The following SLCO1A2 variants were observed in gnomAD, a reference collection of about 807,000 sequenced individuals.
SLCO1A2 encodes solute carrier organic anion transporter family member 1A2.
Under a neutral mutation model 69.0 loss-of-function variants are expected in SLCO1A2, and 67 were observed. The observed-to-expected ratio is 0.97, with a 90% confidence interval of 0.80 to 1.19. The LOEUF is 1.19. Ranked by LOEUF, SLCO1A2 falls within the 50% of genes most tolerant of loss-of-function variation. The pLI is 0.00. For missense variants in SLCO1A2, 787 were observed against 793.7 expected (o/e 0.99, Z 0.10); for synonymous variants, 260 against 265.9 (o/e 0.98, Z 0.22).
chr12:21,384,169 C>CT (rs1565525791), intron 1 of SLCO1A2, among the ~76,000 whole-genome samples: 1 of 151,924 alleles, frequency 6.6e-6, no homozygotes, highest in Non-Finnish European at 1.5e-5. Context: ...ACAGTGGGTA[C>CT]TTTCTAAATT....
At chr12:21,398,819 C>T (rs1278663370), upstream of SLCO1A2, among the ~76,000 whole-genome samples, 1 of 146,684 alleles carries the variant, frequency 6.8e-6, no homozygotes, top group Non-Finnish European at 1.5e-5. Context: ...TGACAAAATT[C>T]AACAACCCTT....
At chr12:21,407,795 C>G (rs547610787) in intron 1 of SLCO1A2, among the ~76,000 whole-genome samples, 67 of 146,388 alleles carry the variant, frequency 4.6e-4, no homozygotes, top group Admixed American at 1.1e-3. Context: ...TGACAGAGAC[C>G]CTGTCTAATG....
intron 12 of SLCO1A2, among the ~76,000 whole-genome samples, chr12:21,290,342 T>G (rs551596357): frequency 1.3e-5 from 2 of 152,110 alleles, no homozygotes; most frequent in African/African-American, 4.8e-5. Context: ...AAAATAAGTT[T>G]GAGAAAGAAA....
intron 4 of SLCO1A2, among the ~76,000 whole-genome samples, chr12:21,313,767 G>A (rs969782599): frequency 5.9e-5 from 9 of 151,608 alleles, no homozygotes; most frequent in South Asian, 2.1e-4. Flanking sequence ...TTAGGAGATC[G>A]AGACCATCCT....
At chr12:21,332,234 A>G (rs1197660294) in intron 2 of SLCO1A2, among the ~76,000 whole-genome samples, 2 of 152,144 alleles carry the variant, frequency 1.3e-5, no homozygotes, top group African/African-American at 2.4e-5. Context: ...CATTGGTTCA[A>G]TTGGGAAGGT....
chr12:21,375,506 A>G (rs1940127882), intron 1 of SLCO1A2, among the ~76,000 whole-genome samples: 1 of 152,202 alleles, frequency 6.6e-6, no homozygotes, highest in Non-Finnish European at 1.5e-5. Context: ...GATTTTTTCA[A>G]TTTGTAAATG....
At chr12:21,286,865 T>A (rs1318015351) in intron 12 of SLCO1A2, among the ~76,000 whole-genome samples, 1 of 150,732 alleles carries the variant, frequency 6.6e-6, no homozygotes, top group Non-Finnish European at 1.5e-5. Context: ...CAATTCAAGA[T>A]GGATTAAAGA....
At position 21,306,922 on chromosome 12, in the gene SLCO1A2, T is replaced by C. The variant is rs763265802; in HGVS notation, c.402A>G (p.Glu134=). Reference sequence around the variant, plus strand: ...TTGGTCTTAAAATCTGGGTTCCATTTTCCATACACAAGAAACTGTTTGAGG... The same window carrying C: ...TTGGTCTTAAAATCTGGGTTCCATTCTCCATACACAAGAAACTGTTTGAGG... ...NLSSNSFLCM[E]NGTQILRPTQ... is the part of the protein sequence containing the mutation. The change falls in exon 5 of 15, where the codon GAA becomes GAG. Residue 134 remains glutamate (E), a synonymous_variant. Transcript: ENST00000683939. 2.5e-6 allele frequency: 4 copies of C among 1,613,958 alleles called. No individual in the cohort carries two copies. In the South Asian group the frequency reaches 4.4e-5, roughly 18 times the overall value.
intron 2 of SLCO1A2, chr12:21,373,279 T>A (rs1280116143): frequency 9.7e-7 from 1 of 1,034,088 alleles, no homozygotes; most frequent in Non-Finnish European, 1.5e-6. Flanking sequence ...AATTTAAAAT[T>A]ACATCAATTA....
chr12:21,279,700 G>A (rs1169868121), intron 12 of SLCO1A2, among the ~76,000 whole-genome samples: 1 of 152,124 alleles, frequency 6.6e-6, no homozygotes, highest in Non-Finnish European at 1.5e-5. Flanking sequence ...AATGCTAAAG[G>A]GAGTACTTCA....
At chr12:21,405,815 ATG>A (rs1339003232) in intron 1 of SLCO1A2, among the ~76,000 whole-genome samples, 1 of 152,236 alleles carries the variant, frequency 6.6e-6, no homozygotes, top group African/African-American at 2.4e-5. Flanking sequence ...ACAAGATGCA[ATG>A]CTATGGAATG....
intron 2 of SLCO1A2, among the ~76,000 whole-genome samples, chr12:21,359,897 C>G (rs1938690969): frequency 1.3e-5 from 2 of 152,092 alleles, no homozygotes; most frequent in South Asian, 4.1e-4. Flanking sequence ...AACCCGAAGT[C>G]CATTAACAAA....
intron 2 of SLCO1A2, among the ~76,000 whole-genome samples, chr12:21,357,843 G>GA (rs1376833000): frequency 6.6e-6 from 1 of 152,108 alleles, no homozygotes; most frequent in Non-Finnish European, 1.5e-5. Context: ...AACAGTATTA[G>GA]AAAACACATG....
chr12:21,393,748 A>C (rs1941279668), intron 1 of SLCO1A2, among the ~76,000 whole-genome samples: 1 of 152,216 alleles, frequency 6.6e-6, no homozygotes, highest in African/African-American at 2.4e-5. Context: ...AGAAATTGGC[A>C]AAATGAAAGA....
At chr12:21,340,637 C>G (rs999615520) in intron 2 of SLCO1A2, among the ~76,000 whole-genome samples, 1 of 151,932 alleles carries the variant, frequency 6.6e-6, no homozygotes, top group African/African-American at 2.4e-5. Flanking sequence ...TTTGGAGTTT[C>G]ACTATGAGGA....
intron 4 of SLCO1A2, among the ~76,000 whole-genome samples, chr12:21,312,115 T>C (rs1276681816): frequency 6.6e-6 from 1 of 152,108 alleles, no homozygotes; most frequent in East Asian, 1.9e-4. Context: ...GAAGGCTGTT[T>C]CATCCACATT....
At chr12:21,393,575 T>C (rs1222498161) in intron 1 of SLCO1A2, among the ~76,000 whole-genome samples, 1 of 152,214 alleles carries the variant, frequency 6.6e-6, no homozygotes, top group African/African-American at 2.4e-5. Context: ...AAATCTTTGC[T>C]CAGCTTATCA....
chr12:21,380,094 A>G (rs1213404914), intron 1 of SLCO1A2: 1 of 152,164 alleles, frequency 6.6e-6, no homozygotes, highest in Non-Finnish European at 1.5e-5. Context: ...AAAATTTCCC[A>G]CAATAGTCTA....
At chr12:21,309,077 T>C (rs983583104) in intron 4 of SLCO1A2, among the ~76,000 whole-genome samples, 1 of 152,060 alleles carries the variant, frequency 6.6e-6, no homozygotes, top group African/African-American at 2.4e-5. Context: ...TAAGAGCCCT[T>C]GAAAATTAAA....
Sources: allele counts gnomAD v4.1 joint callset (sites outside exome capture counted in the v4.1 genomes callset), GRCh38; gene constraint gnomAD v4.1.1; transcripts MANE v1.5; gene names NCBI Gene and HGNC (gene_info 2026-07-23, HGNC 2026-07-21).